The following ANKRD12 variants were observed in gnomAD, a reference collection of about 807,000 sequenced individuals.
ANKRD12 encodes ankyrin repeat domain 12, also known as ankyrin repeat domain-containing protein 12.
Under a neutral mutation model 183.4 loss-of-function variants are expected in ANKRD12, and 85 were observed. That is an observed-to-expected ratio of 0.46 (90% confidence interval 0.39 to 0.56). The LOEUF is 0.56. Among genes scored for constraint, ANKRD12 ranks in the 20% least tolerant of loss-of-function variants. The pLI is 0.00. For missense variants in ANKRD12, 2,405 were observed against 2,357.1 expected (o/e 1.02, Z -0.42); for synonymous variants, 914 against 800.2 (o/e 1.14, Z -2.40).
At chr18:9,157,705 C>A (rs535160945) in intron 1 of ANKRD12, among the ~76,000 whole-genome samples, 2 of 149,490 alleles carry the variant, frequency 1.3e-5, no homozygotes, top group East Asian at 3.9e-4. Context: ...CTGGTTCAAG[C>A]GATTCTTTTG....
chr18:9,193,600 G>GA (rs1396880089), intron 2 of ANKRD12, among the ~76,000 whole-genome samples: 1 of 151,234 alleles, frequency 6.6e-6, no homozygotes, highest in Non-Finnish European at 1.5e-5. Context: ...TGCTCTTTTA[G>GA]AGTCATCTTT....
chr18:9,198,432 A>G (rs976636297), intron 3 of ANKRD12, among the ~76,000 whole-genome samples: 9 of 152,314 alleles, frequency 5.9e-5, no homozygotes, highest in Admixed American at 4.6e-4. Flanking sequence ...GGACATAGGA[A>G]TTTGCTTTAG....
intron 8 of ANKRD12, among the ~76,000 whole-genome samples, chr18:9,238,598 G>A (rs928324733): frequency 2.0e-5 from 3 of 152,132 alleles, no homozygotes; most frequent in Admixed American, 6.5e-5. Flanking sequence ...TTCAACAGCT[G>A]TTTTTGAGCA....
rs1239861422 is a variant in ANKRD12 at position 9,281,139 on chromosome 18, C to G, written c.*13C>G. 7.5e-6 allele frequency: 12 copies of G among 1,606,372 alleles called. No individual in the cohort carries two copies. The Admixed American group carries it at 2.0e-4, about 27-fold the overall frequency. Reference sequence around the variant, plus strand: ...GACTCCTATATAGCAGTCAGTACTTCCTGATGGTATTGTCCTAAACTGGTG... The same window carrying G: ...GACTCCTATATAGCAGTCAGTACTTGCTGATGGTATTGTCCTAAACTGGTG... On this transcript the variant is annotated 3_prime_UTR_variant, in exon 13 of 13. Transcript: ENST00000262126.
intron 7 of ANKRD12, among the ~76,000 whole-genome samples, chr18:9,220,931 G>A (rs2036387422): frequency 6.6e-6 from 1 of 152,178 alleles, no homozygotes; most frequent in African/African-American, 2.4e-5. Context: ...AGAGTTGTAG[G>A]TGAAAGAGTG....
chr18:9,161,080 CCT>C lies in ANKRD12; in HGVS notation c.-51-21299_-51-21298del, dbSNP rs537090421. 1.7e-4 allele frequency among the ~76,000 whole-genome samples: 26 copies of C among 152,176 alleles called. No homozygotes were observed. In the South Asian group the frequency reaches 5.4e-3, roughly 32 times the overall value. On this transcript the variant is annotated intron_variant, in intron 1 of 12. Transcript: ENST00000262126. ...TTTTGAACTCCTGGGCTCAAGCAAT[CCT>C]CTTGCCTTGGCCTGTGTGTGTGTGT...
Position 9,281,744 on chromosome 18 carries a change from T to C in ANKRD12, c.*618T>C, listed in dbSNP as rs2040112622. The C allele has an allele frequency of 6.5e-6, 1 of 152,684 alleles. No homozygotes were observed. Among genetic ancestry groups the C allele is most frequent in the Non-Finnish European group, 1.5e-5 (1 of 68,066 alleles). 9.5% of individuals were successfully genotyped at this position (152,684 alleles called of 1,614,324 possible). On this transcript the variant is annotated 3_prime_UTR_variant, in exon 13 of 13. Transcript: ENST00000262126. ...ATGTACAAAGAAATACCTGTAAAAC[T>C]GTTTTGTCTCATGTTTTATTGGACC... is the stretch of plus-strand genomic sequence containing the variant.
In ANKRD12 at chr18:9,186,094, C is replaced by T. The variant is rs552396478; in HGVS notation, c.87+3575C>T. Among the ~76,000 whole-genome samples, 9 of 150,566 alleles carry T rather than the reference C, an allele frequency of 6.0e-5. No homozygotes were observed. The East Asian group carries it at 1.6e-3, about 26-fold the overall frequency. On this transcript the variant is annotated intron_variant, in intron 2 of 12. Transcript: ENST00000262126. ...TTTTCATGTATCTTTTGAAAGTTGTCACGAAATAAGTAGTGCCTGAATATT... is the reference window on the plus strand; with the variant it reads ...TTTTCATGTATCTTTTGAAAGTTGTTACGAAATAAGTAGTGCCTGAATATT...
chr18:9,273,940 C>T lies in ANKRD12; in HGVS notation c.5764-1584C>T, dbSNP rs370278548. Among the ~76,000 whole-genome samples the T allele has an allele frequency of 2.0e-4, 30 of 152,272 alleles. 1 individual carries two copies. The highest frequency in any genetic ancestry group is 6.0e-4 in the African/African-American group (25 of 41,550). ...ATTTATGTCACATGGGAGCCAAAGACGTGGCAAAACCTGAGTGATTTTATG... is the reference window on the plus strand; with the variant it reads ...ATTTATGTCACATGGGAGCCAAAGATGTGGCAAAACCTGAGTGATTTTATG... On this transcript the variant is annotated intron_variant, in intron 10 of 12. Transcript: ENST00000262126.
At chr18:9,236,851 C>T (rs1158015902) in intron 8 of ANKRD12, among the ~76,000 whole-genome samples, 1 of 152,032 alleles carries the variant, frequency 6.6e-6, no homozygotes, top group Non-Finnish European at 1.5e-5. Context: ...GATTCTTTAG[C>T]TATGAAGTGA....
intron 10 of ANKRD12, among the ~76,000 whole-genome samples, chr18:9,272,267 A>G (rs958404975): frequency 6.6e-6 from 1 of 152,192 alleles, no homozygotes; most frequent in Non-Finnish European, 1.5e-5. Context: ...CTGACTTTAG[A>G]AAATGTATTT....
At position 9,222,031 on chromosome 18, in the gene ANKRD12, C is replaced by A; in HGVS notation, c.943+32C>A. The A allele has an allele frequency of 1.9e-6, 3 of 1,605,722 alleles. No individual in the cohort carries two copies. The South Asian group carries it at 3.3e-5, about 18-fold the overall frequency. ...TTCAGATAATCTACATTCATCTGTT[C>A]GTTTGACATGATATTTGATAGAACA... is the stretch of plus-strand genomic sequence containing the variant. On this transcript the variant is annotated intron_variant, in intron 8 of 12. Coordinates refer to ENST00000262126, the MANE Select transcript of ANKRD12 (RefSeq NM_015208.5).
At position 9,210,525 on chromosome 18, in the gene ANKRD12, A is replaced by G. The variant is rs189309567; in HGVS notation, c.452-1059A>G. 4.3e-4 allele frequency among the ~76,000 whole-genome samples: 66 copies of G among 152,058 alleles called. 1 individual carries two copies. The highest frequency in any genetic ancestry group is 3.4e-3 in the Admixed American group (52 of 15,254). ...CACTTGAGGCCAGGAGTTTGAGACCAGCCTGGCCAACATGGTGAAACCCTG... is the reference window on the plus strand; with the variant it reads ...CACTTGAGGCCAGGAGTTTGAGACCGGCCTGGCCAACATGGTGAAACCCTG... On this transcript the variant is annotated intron_variant, in intron 5 of 12. Transcript: ENST00000262126.
At position 9,285,520 on chromosome 18, in the gene ANKRD12, A is replaced by G. The variant is rs986094002; in HGVS notation, c.*4394A>G. On this transcript the variant is annotated 3_prime_UTR_variant, in exon 13 of 13. Coordinates refer to ENST00000262126, the MANE Select transcript of ANKRD12 (RefSeq NM_015208.5). ...ACCTATGCACTCATCACTCAAGAGAATATCAATAACTTTCTCAGTTTTTTT... is the reference window on the plus strand; with the variant it reads ...ACCTATGCACTCATCACTCAAGAGAGTATCAATAACTTTCTCAGTTTTTTT... 4.6e-5 allele frequency: 7 copies of G among 152,086 alleles called. No individual in the cohort carries two copies. The highest frequency in any genetic ancestry group is 2.0e-4 in the Admixed American group (3 of 15,252). 9.4% of individuals were successfully genotyped at this position (152,086 alleles called of 1,614,324 possible). A position where few individuals can be genotyped will look rare whatever the true frequency, so the allele number is the denominator to read the frequency against.
In ANKRD12 at chr18:9,255,175, A is replaced by G. The variant is rs757358542; in HGVS notation, c.1908A>G (p.Ser636=). The part of the protein sequence containing the change: ...DEDHSPTFEN[S]DCTLKKMDKE... ...ATCATAGTCCAACATTTGAAAATTCAGATTGCACACTGAAAAAAATGGATA... is the reference window on the plus strand; with the variant it reads ...ATCATAGTCCAACATTTGAAAATTCGGATTGCACACTGAAAAAAATGGATA... Residue 636 remains serine, a synonymous_variant, in exon 9 of 13, where the codon TCA becomes TCG. Coordinates refer to ENST00000262126, the MANE Select transcript of ANKRD12 (RefSeq NM_015208.5). The G allele has an allele frequency of 4.5e-5, 71 of 1,587,640 alleles. No individual in the cohort carries two copies. The Middle Eastern group carries it at 5.0e-4, about 11-fold the overall frequency.
At chr18:9,243,963 G>A (rs8086362) in intron 8 of ANKRD12, among the ~76,000 whole-genome samples, 16,760 of 152,050 alleles carry the variant, frequency 0.11, 1,077 homozygotes, top group African/African-American at 0.16. Context: ...TGGTGAAACC[G>A]GTTTCCGTCT....
intron 1 of ANKRD12, among the ~76,000 whole-genome samples, chr18:9,169,255 GT>G (rs2032430760): frequency 1.3e-5 from 2 of 152,112 alleles, no homozygotes; most frequent in African/African-American, 4.8e-5. Flanking sequence ...GCTGAGTTCA[GT>G]TCCTGGGTAT....
intron 4 of ANKRD12, among the ~76,000 whole-genome samples, chr18:9,204,798 G>T (rs966164931): frequency 6.6e-6 from 1 of 152,168 alleles, no homozygotes; most frequent in South Asian, 2.1e-4. Flanking sequence ...ACAGCACAAT[G>T]TGGGGAACAC....
At chr18:9,229,911 T>A (rs1478079938) in intron 8 of ANKRD12, among the ~76,000 whole-genome samples, 1 of 152,196 alleles carries the variant, frequency 6.6e-6, no homozygotes, top group Non-Finnish European at 1.5e-5. Context: ...TCATCAGGGA[T>A]GTTGGCCTAT....
Sources: allele counts gnomAD v4.1 joint callset (sites outside exome capture counted in the v4.1 genomes callset), GRCh38; gene constraint gnomAD v4.1.1; transcripts MANE v1.5; gene names NCBI Gene and HGNC (gene_info 2026-07-23, HGNC 2026-07-21).